Variants in LINGO2 observed in about 807,000 individuals in gnomAD.
The protein encoded by LINGO2 is leucine rich repeat and Ig domain containing 2.
A neutral mutation model predicts 30.6 loss-of-function variants in LINGO2; 14 were observed. That is an observed-to-expected ratio of 0.46 (90% confidence interval 0.30 to 0.72). The LOEUF is 0.72. LINGO2 is among the 30% of genes least tolerant of loss of function. The probability of loss-of-function intolerance (pLI) is 0.07; values close to 1 mark genes in which losing one functional copy is unlikely to be tolerated. For synonymous variants in LINGO2, 317 were observed against 288.5 expected, an observed-to-expected ratio of 1.10 and a Z score of -1.00; for missense variants, 729 against 751.7, an observed-to-expected ratio of 0.97 and a Z score of 0.35.
the LINGO2 span, among the ~76,000 whole-genome samples, chr9:29,040,518 G>A: frequency 6.6e-6 from 1 of 151,176 alleles, no homozygotes; most frequent in African/African-American, 2.4e-5. Flanking sequence ...ACAGAACTTA[G>A]GTTCTCTTCA....
chr9:27,946,132 A>G (rs1823356151), downstream of LINGO2, among the ~76,000 whole-genome samples: 1 of 152,120 alleles, frequency 6.6e-6, no homozygotes, highest in South Asian at 2.1e-4. Context: ...CACGAAAAGA[A>G]GTGCTTTCTG....
the LINGO2 span, among the ~76,000 whole-genome samples, chr9:28,957,916 G>A: frequency 3.9e-4 from 59 of 152,238 alleles, no homozygotes; most frequent in African/African-American, 1.4e-3. Flanking sequence ...TATAGCATCT[G>A]AATGCTTATA....
the LINGO2 span, among the ~76,000 whole-genome samples, chr9:28,806,185 T>A: frequency 6.6e-6 from 1 of 152,206 alleles, no homozygotes; most frequent in Non-Finnish European, 1.5e-5. Flanking sequence ...AAAATTCTAC[T>A]ACAGATAAAA....
intron 4 of LINGO2, among the ~76,000 whole-genome samples, chr9:28,231,682 A>G (rs1473291452): frequency 6.6e-6 from 1 of 152,076 alleles, no homozygotes; most frequent in Non-Finnish European, 1.5e-5. Context: ...TATTTATGTT[A>G]ATGGTTTTTG....
At chr9:28,072,370 C>T (rs563163839) in intron 4 of LINGO2, among the ~76,000 whole-genome samples, 2 of 152,326 alleles carry the variant, frequency 1.3e-5, no homozygotes, top group South Asian at 4.1e-4. Context: ...AGAGTTTGCT[C>T]TTGTTTGTCT....
At chr9:28,538,951 A>C (rs1192042553) in intron 1 of LINGO2, among the ~76,000 whole-genome samples, 1 of 152,126 alleles carries the variant, frequency 6.6e-6, no homozygotes, top group Non-Finnish European at 1.5e-5. Context: ...GAAAAAAATA[A>C]AATAAAAAAA....
chr9:28,226,879 G>A (rs1195424056), intron 4 of LINGO2, among the ~76,000 whole-genome samples: 6 of 152,040 alleles, frequency 3.9e-5, no homozygotes. Context: ...GCAATTTAAA[G>A]TGCAATTGAC....
chr9:28,863,118 T>C, the LINGO2 span, among the ~76,000 whole-genome samples: 1 of 152,108 alleles, frequency 6.6e-6, no homozygotes, highest in African/African-American at 2.4e-5. Flanking sequence ...AAGGTGATTT[T>C]TTTTGCCCAC....
intron 4 of LINGO2, among the ~76,000 whole-genome samples, chr9:28,260,239 ATT>A (rs368518485): frequency 2.4e-4 from 34 of 141,056 alleles, no homozygotes; most frequent in Admixed American, 2.9e-4. Flanking sequence ...ATGACTTGTA[ATT>A]TTTTTTTTTT....
chr9:28,719,029 C>A, the LINGO2 span, among the ~76,000 whole-genome samples: 3 of 151,972 alleles, frequency 2.0e-5, no homozygotes, highest in East Asian at 5.8e-4. Flanking sequence ...AACCTGCCTT[C>A]TTCACAGCAA....
At chr9:28,823,042 A>G in the LINGO2 span, among the ~76,000 whole-genome samples, 1 of 152,160 alleles carries the variant, frequency 6.6e-6, no homozygotes, top group African/African-American at 2.4e-5. Flanking sequence ...TTGGAATTGT[A>G]TTGTACTCAC....
intron 4 of LINGO2, among the ~76,000 whole-genome samples, chr9:28,060,476 C>T (rs1315089671): frequency 6.6e-6 from 1 of 152,132 alleles, no homozygotes; most frequent in Non-Finnish European, 1.5e-5. Context: ...TTTTTATTTA[C>T]ATTTTACAAA....
chr9:28,673,064 G>A (rs1348938521), upstream of LINGO2, among the ~76,000 whole-genome samples: 2 of 152,106 alleles, frequency 1.3e-5, no homozygotes, highest in African/African-American at 4.8e-5. Context: ...GAAATGTGTT[G>A]ATAAAACTTA....
chr9:29,009,002 C>G, the LINGO2 span, among the ~76,000 whole-genome samples: 2 of 152,138 alleles, frequency 1.3e-5, no homozygotes, highest in Non-Finnish European at 2.9e-5. Flanking sequence ...GCTAAAAACT[C>G]TCAATAAATT....
rs1385773738 is a variant in LINGO2, at chr9:28,534,963, C to A, written c.-364-58938G>T. ...ATATACATGTGTATGTATATACATA[C>A]ACACACTTTTTAAAAGCATAAATGT... On this transcript the variant is annotated intron_variant, in intron 1 of 5. Coordinates refer to ENST00000379992, the Ensembl canonical transcript of LINGO2. Among the ~76,000 whole-genome samples, 5 of 151,920 alleles carry A rather than the reference C, an allele frequency of 3.3e-5. No homozygotes were observed. In the East Asian group the frequency reaches 9.7e-4, roughly 29 times the overall value.
chr9:29,117,814 T>A, the LINGO2 span, among the ~76,000 whole-genome samples: 1 of 152,228 alleles, frequency 6.6e-6, no homozygotes, highest in Non-Finnish European at 1.5e-5. Context: ...GCAGTCCCAA[T>A]GTACTTTATC....
chr9:28,594,463 A>C (rs975324163), intron 1 of LINGO2, among the ~76,000 whole-genome samples: 2 of 152,048 alleles, frequency 1.3e-5, no homozygotes, highest in African/African-American at 2.4e-5. Flanking sequence ...TTGCAAATAC[A>C]CTTTACAGTA....
the LINGO2 span, among the ~76,000 whole-genome samples, chr9:28,854,291 A>T: frequency 6.6e-6 from 1 of 152,080 alleles, no homozygotes; most frequent in South Asian, 2.1e-4. Flanking sequence ...GCACAATTTG[A>T]ATGCTGAAGA....
chr9:28,398,026 GA>G (rs1822124118), intron 2 of LINGO2, among the ~76,000 whole-genome samples: 3 of 152,162 alleles, frequency 2.0e-5, no homozygotes, highest in Admixed American at 1.3e-4. Context: ...GAGAATAAAA[GA>G]AAATTATTGT....
Sources: allele counts gnomAD v4.1 joint callset (sites outside exome capture counted in the v4.1 genomes callset), GRCh38; gene constraint gnomAD v4.1.1; transcripts MANE v1.5; gene names NCBI Gene and HGNC (gene_info 2026-07-23, HGNC 2026-07-21).